SEC22B: variants seen among roughly 807,000 people sequenced by gnomAD.
SEC22B encodes the protein vesicle-trafficking protein SEC22b.
In SEC22B, 10 loss-of-function variants were observed where a neutral mutation model predicts 31.4. That is an observed-to-expected ratio of 0.32 (90% confidence interval 0.20 to 0.54). SEC22B has a LOEUF of 0.54. SEC22B is among the 20% of genes least tolerant of loss of function. The pLI is 0.94. For synonymous variants in SEC22B, 60 were observed against 95.9 expected (o/e 0.63, Z 2.19); for missense variants, 130 against 263.4 (o/e 0.49, Z 3.50).
intron 3 of SEC22B, among the ~76,000 whole-genome samples, chr1:120,162,657 C>T (rs1657737695): frequency 6.6e-6 from 1 of 152,196 alleles, no homozygotes; most frequent in Non-Finnish European, 1.5e-5. Flanking sequence ...AATTCTTGCA[C>T]AAATACAGAC....
intron 1 of SEC22B, among the ~76,000 whole-genome samples, chr1:120,169,212 G>A (rs1243644158): frequency 6.6e-6 from 1 of 152,194 alleles, no homozygotes; most frequent in Non-Finnish European, 1.5e-5. Context: ...TTTCAATCCA[G>A]TGTTCTTTCC....
intron 1 of SEC22B, 56 bp downstream of exon 1, chr1:120,176,251 A>G: frequency 1.3e-6 from 2 of 1,546,050 alleles, no homozygotes; most frequent in Middle Eastern, 1.7e-4. Flanking sequence ...TCCGATGCTG[A>G]GGGCAAAGCG....
chr1:120,161,174 AG>A (rs1399085302), intron 3 of SEC22B, among the ~76,000 whole-genome samples: 3 of 152,276 alleles, frequency 2.0e-5, no homozygotes, highest in Admixed American at 6.5e-5. Context: ...CAGTATTCTG[AG>A]GACCCTTAGG....
At chr1:120,160,658 G>A in intron 3 of SEC22B, 128 bp from the exon 4 acceptor site, 1 of 549,672 alleles carries the variant, frequency 1.8e-6, no homozygotes, top group Non-Finnish European at 3.1e-6. Context: ...GGGAGGCCAA[G>A]GCAGGTGAAT....
At chr1:120,174,284 G>C (rs1209726284) in intron 1 of SEC22B, among the ~76,000 whole-genome samples, 1 of 152,308 alleles carries the variant, frequency 6.6e-6, no homozygotes, top group Admixed American at 6.5e-5. Context: ...AATAGGCTTA[G>C]CACAGTGTTT....
In SEC22B at chr1:120,176,447, C is replaced by A; in HGVS notation, c.-66G>T. 2 of 1,413,628 alleles carry A rather than the reference C, an allele frequency of 1.4e-6. No homozygotes were observed. The highest frequency in any genetic ancestry group is 9.9e-7 in the Non-Finnish European group (1 of 1,006,684). The allele number at this position is 1,413,628 out of a possible 1,614,324, so 87.6% of individuals were successfully genotyped here. A position where few individuals can be genotyped will look rare whatever the true frequency, so the allele number is the denominator to read the frequency against. On this transcript the variant is annotated 5_prime_UTR_variant, in exon 1 of 5. Coordinates refer to ENST00000578049, the MANE Select transcript of SEC22B (RefSeq NM_004892.6). ...CTTGGCGCCGTCCTCACTTCCTCCG[C>A]CGCGACAACAGTTATACCCTATGTC...
chr1:120,172,189 T>C (rs1482609979), intron 1 of SEC22B, among the ~76,000 whole-genome samples: 4 of 93,574 alleles, frequency 4.3e-5, no homozygotes, highest in South Asian at 3.8e-4. Context: ...TGCAGTAAGC[T>C]GAGATCACAC....
chr1:120,166,445 C>A (rs1481543708), intron 2 of SEC22B, among the ~76,000 whole-genome samples: 1 of 149,074 alleles, frequency 6.7e-6, no homozygotes, highest in African/African-American at 2.5e-5. Context: ...GAATACTATT[C>A]AGCCATAAAA....
rs587756027 is a variant in SEC22B, at chr1:120,152,201, A to AT, written c.*4836dup. On this transcript the variant is annotated 3_prime_UTR_variant, in exon 5 of 5. Coordinates refer to ENST00000578049, the MANE Select transcript of SEC22B (RefSeq NM_004892.6). ...TTGAAGAATTCTTGTCACACTTGAC[A>AT]TTTTTTACAGAGATTTCTTAAAACA... 6.6e-5 allele frequency: 10 copies of AT among 150,814 alleles called. No homozygotes were observed. In the South Asian group the frequency reaches 2.1e-3, roughly 32 times the overall value. 9.3% of individuals were successfully genotyped at this position (150,814 alleles called of 1,614,324 possible). A position where few individuals can be genotyped will look rare whatever the true frequency, so the allele number is the denominator to read the frequency against.
At chr1:120,166,177 C>G (rs1203639022) in intron 2 of SEC22B, among the ~76,000 whole-genome samples, 3 of 141,138 alleles carry the variant, frequency 2.1e-5, no homozygotes. Context: ...CTTTTATACA[C>G]TATAGAAAAC....
At chr1:120,161,089 A>G (rs2101127907) in intron 3 of SEC22B, among the ~76,000 whole-genome samples, 1 of 152,300 alleles carries the variant, frequency 6.6e-6, no homozygotes, top group East Asian at 1.9e-4. Flanking sequence ...TTTGCTATCT[A>G]AGGCTGCTAT....
chr1:120,167,380 C>T (rs1657829372), intron 2 of SEC22B, among the ~76,000 whole-genome samples: 1 of 151,822 alleles, frequency 6.6e-6, no homozygotes, highest in Non-Finnish European at 1.5e-5. Flanking sequence ...TATTTGTGGA[C>T]TTCTGCTTAT....
intron 4 of SEC22B, chr1:120,157,404 G>A (rs1446807081): frequency 2.8e-6 from 1 of 354,832 alleles, no homozygotes; most frequent in Non-Finnish European, 5.1e-6. Flanking sequence ...GTGGTTAGAA[G>A]TGCAGGTTCT....
Position 120,156,936 on chromosome 1 carries a change from T to C in SEC22B, c.*102A>G. 1 of 570,218 alleles carries C rather than the reference T, an allele frequency of 1.8e-6. No homozygotes were observed. The highest frequency in any genetic ancestry group is 2.7e-6 in the Non-Finnish European group (1 of 367,998). The allele number at this position is 570,218 out of a possible 1,614,324, so 35.3% of individuals were successfully genotyped here. ...CTTGCAAGGTCTTTAGAGGCAGAAG[T>C]TCCACTTGGATTCTAATACACATCT... On this transcript the variant is annotated 3_prime_UTR_variant, in exon 5 of 5. Coordinates refer to ENST00000578049, the MANE Select transcript of SEC22B (RefSeq NM_004892.6).
intron 1 of SEC22B, among the ~76,000 whole-genome samples, chr1:120,173,849 GTTA>G (rs1407351027): frequency 2.0e-5 from 1 of 48,972 alleles, no homozygotes; most frequent in African/African-American, 1.3e-4. Context: ...AAGTACAGTG[GTTA>G]TTAAGTTTTT....
rs1657576100 is a variant in SEC22B at position 120,153,279 on chromosome 1, A to G, written c.*3759T>C. 1 of 147,470 alleles carries G rather than the reference A, an allele frequency of 6.8e-6. No individual in the cohort carries two copies. The highest frequency in any genetic ancestry group is 2.2e-4 in the South Asian group (1 of 4,644). The allele number at this position is 147,470 out of a possible 1,614,324, so 9.1% of individuals were successfully genotyped here. On this transcript the variant is annotated 3_prime_UTR_variant, in exon 5 of 5. Transcript: ENST00000578049. ...AACCAACCAACCAAACAAAAGAAAA[A>G]CCCACCAGGTAGGAGTCAGTTAGTT...
chr1:120,151,105 AAAC>A lies in SEC22B; in HGVS notation c.*5930_*5932del, dbSNP rs1170567575. The A allele has an allele frequency of 6.6e-6, 1 of 152,262 alleles. No individual in the cohort carries two copies. The highest frequency in any genetic ancestry group is 1.5e-5 in the Non-Finnish European group (1 of 68,058). 9.4% of individuals were successfully genotyped at this position (152,262 alleles called of 1,614,324 possible). On this transcript the variant is annotated 3_prime_UTR_variant, in exon 5 of 5. Coordinates refer to ENST00000578049, the MANE Select transcript of SEC22B (RefSeq NM_004892.6). ...CTACAACATGAGTTTTGGAGGGGCC[AAAC>A]AACATGCAAACCATAGCAGCAGGTT... is the stretch of plus-strand genomic sequence containing the variant.
rs1169232248 is a variant in SEC22B, at chr1:120,152,927, C to A, written c.*4111G>T. ...GGGCAAGCAAAGAAACTCCTCATAA[C>A]CATTGTAATAATACCAGCAAAATGC... On this transcript the variant is annotated 3_prime_UTR_variant, in exon 5 of 5. Transcript: ENST00000578049. 6.7e-6 allele frequency: 1 copy of A among 148,880 alleles called. No homozygotes were observed. The highest frequency in any genetic ancestry group is 1.5e-5 in the Non-Finnish European group (1 of 67,782). The allele number at this position is 148,880 out of a possible 1,614,324, so 9.2% of individuals were successfully genotyped here. A position where few individuals can be genotyped will look rare whatever the true frequency, so the allele number is the denominator to read the frequency against.
rs1182528767 is a variant in SEC22B, at chr1:120,151,202, G to A, written c.*5836C>T. ...GGAGAAAAGGCACAGAGTGAGCCAA[G>A]GCACAAGGTAAAATGTTTGACTGGT... is the stretch of plus-strand genomic sequence containing the variant. On this transcript the variant is annotated 3_prime_UTR_variant, in exon 5 of 5. Transcript: ENST00000578049. 1.3e-5 allele frequency: 2 copies of A among 152,148 alleles called. No homozygotes were observed. Among genetic ancestry groups the A allele is most frequent in the African/African-American group, 2.4e-5 (1 of 41,428 alleles). The allele number at this position is 152,148 out of a possible 1,614,324, so 9.4% of individuals were successfully genotyped here. A position where few individuals can be genotyped will look rare whatever the true frequency, so the allele number is the denominator to read the frequency against.
Sources: gnomAD v4.1 joint callset for allele counts (sites outside exome capture counted in the v4.1 genomes callset) on GRCh38, gnomAD v4.1.1 for gene constraint, MANE v1.5 for transcripts, NCBI Gene and HGNC (gene_info 2026-07-23, HGNC 2026-07-21) for gene names.